SPPL3: variants seen among roughly 807,000 people sequenced by gnomAD.
The protein encoded by SPPL3 is signal peptide peptidase-like 3.
A neutral mutation model predicts 42.4 loss-of-function variants in SPPL3; 5 were observed. That is an observed-to-expected ratio of 0.12 (90% confidence interval 0.06 to 0.25). SPPL3 has a LOEUF of 0.25. Among genes scored for constraint, SPPL3 ranks in the 10% least tolerant of loss-of-function variants. The pLI is 1.00. For missense variants in SPPL3, 235 were observed against 489.0 expected, an observed-to-expected ratio of 0.48 and a Z score of 4.90; for synonymous variants, 195 against 181.8, an observed-to-expected ratio of 1.07 and a Z score of -0.58.
intron 6 of SPPL3, among the ~76,000 whole-genome samples, chr12:120,770,534 T>C (rs1411163291): frequency 6.6e-6 from 1 of 152,112 alleles, no homozygotes; most frequent in African/African-American, 2.4e-5. Context: ...ATCCCCTCAT[T>C]GCTAGACACA....
intron 1 of SPPL3, among the ~76,000 whole-genome samples, chr12:120,865,191 G>A (rs1343068805): frequency 6.6e-6 from 1 of 152,190 alleles, no homozygotes; most frequent in Non-Finnish European, 1.5e-5. Context: ...ATTGGTTACT[G>A]TTTTAATATA....
chr12:120,900,515 G>A (rs1352742079), intron 1 of SPPL3, among the ~76,000 whole-genome samples: 1 of 151,402 alleles, frequency 6.6e-6, no homozygotes, highest in Non-Finnish European at 1.5e-5. Flanking sequence ...TGAGGTGGGA[G>A]GATCGCTTAA....
chr12:120,838,929 C>T (rs1274075271), intron 1 of SPPL3, among the ~76,000 whole-genome samples: 1 of 152,112 alleles, frequency 6.6e-6, no homozygotes. Flanking sequence ...ACTAGTTCAA[C>T]CATTGTGGAA....
At chr12:120,820,893 G>A (rs186477362) in intron 1 of SPPL3, among the ~76,000 whole-genome samples, 16 of 152,162 alleles carry the variant, frequency 1.1e-4, no homozygotes, top group Non-Finnish European at 1.8e-4. Flanking sequence ...AGTAGTTCAA[G>A]ACCAACCTGA....
In SPPL3 at chr12:120,904,310, G is replaced by C. The variant is rs1874091111; in HGVS notation, c.-443C>G. 6.0e-6 allele frequency: 1 copy of C among 165,970 alleles called. No individual in the cohort carries two copies. Among genetic ancestry groups the C allele is most frequent in the African/African-American group, 2.4e-5 (1 of 41,336 alleles). The allele number at this position is 165,970 out of a possible 1,614,324, so 10.3% of individuals were successfully genotyped here. On this transcript the variant is annotated 5_prime_UTR_variant, in exon 1 of 11. Transcript: ENST00000353487. ...GGCGGAGGCGGCGGCGACTGAGGGG[G>C]GCGCTAGGCGATGAGGCGAGGCCAC... is the stretch of plus-strand genomic sequence containing the variant.
intron 1 of SPPL3, among the ~76,000 whole-genome samples, chr12:120,827,839 G>C (rs10849796): frequency 0.064 from 9,660 of 151,912 alleles, 553 homozygotes; most frequent in East Asian, 0.3. Flanking sequence ...CCAGGCTGGA[G>C]TGCAGTGGTG....
rs550939992 is a variant in SPPL3 at position 120,789,347 on chromosome 12, G to A, written c.190+2122C>T. Among the ~76,000 whole-genome samples, 5 of 148,870 alleles carry A rather than the reference G, an allele frequency of 3.4e-5. 1 individual carries two copies. The highest frequency in any genetic ancestry group is 1.2e-4 in the African/African-American group (5 of 40,618). On this transcript the variant is annotated intron_variant, in intron 3 of 10. Transcript: ENST00000353487. ...TGGGTGCCTGTAATCCCAGCTACTC[G>A]GGAGGCAGAGGCAGGAGAATCACTT...
intron 1 of SPPL3, among the ~76,000 whole-genome samples, chr12:120,843,913 G>A (rs1046517877): frequency 6.6e-5 from 10 of 152,150 alleles, no homozygotes; most frequent in Admixed American, 2.0e-4. Context: ...AGCCAGGGTC[G>A]CGCCACTGCA....
At chr12:120,877,242 A>G (rs1873132990) in intron 1 of SPPL3, among the ~76,000 whole-genome samples, 1 of 152,212 alleles carries the variant, frequency 6.6e-6, no homozygotes, top group African/African-American at 2.4e-5. Context: ...AAATCCTCCC[A>G]CAAAGAAAAC....
At chr12:120,768,896 T>C in intron 7 of SPPL3, 57 bp downstream of exon 7, 1 of 1,453,884 alleles carries the variant, frequency 6.9e-7, no homozygotes, top group South Asian at 1.2e-5. Flanking sequence ...TTTTCAGGCA[T>C]GAATGCTTCA....
chr12:120,862,136 A>G (rs1872632867), intron 1 of SPPL3, among the ~76,000 whole-genome samples: 1 of 152,192 alleles, frequency 6.6e-6, no homozygotes, highest in Non-Finnish European at 1.5e-5. Context: ...ATACTTCCTG[A>G]TATTTACCAT....
chr12:120,865,747 C>T (rs1430217901), intron 1 of SPPL3, among the ~76,000 whole-genome samples: 4 of 152,194 alleles, frequency 2.6e-5, no homozygotes, highest in Admixed American at 6.5e-5. Flanking sequence ...GGAAGAATCA[C>T]CTAAGGCAGG....
At chr12:120,808,075 TA>T (rs1870562485) in intron 2 of SPPL3, among the ~76,000 whole-genome samples, 1 of 150,388 alleles carries the variant, frequency 6.6e-6, no homozygotes, top group African/African-American at 2.5e-5. Flanking sequence ...TTCAGTTTCT[TA>T]GTTTCTTTTC....
chr12:120,802,528 A>G (rs534858045), intron 2 of SPPL3, among the ~76,000 whole-genome samples: 1 of 148,656 alleles, frequency 6.7e-6, no homozygotes, highest in African/African-American at 2.5e-5. Flanking sequence ...TCTGCCTCCC[A>G]GTTCAAGCGA....
At chr12:120,877,355 C>T in intron 1 of SPPL3, among the ~76,000 whole-genome samples, 1 of 152,284 alleles carries the variant, frequency 6.6e-6, no homozygotes, top group East Asian at 1.9e-4. Flanking sequence ...CTTCCCAACT[C>T]ATTCTATAAG....
intron 6 of SPPL3, among the ~76,000 whole-genome samples, chr12:120,772,511 T>C (rs947921369): frequency 6.6e-6 from 1 of 152,218 alleles, no homozygotes; most frequent in African/African-American, 2.4e-5. Flanking sequence ...AGAGTAGACA[T>C]TCAATAAATA....
intron 1 of SPPL3, among the ~76,000 whole-genome samples, chr12:120,876,874 A>G (rs1378208959): frequency 2.0e-5 from 3 of 151,766 alleles, no homozygotes; most frequent in Admixed American, 2.0e-4. Flanking sequence ...GGACGTGATA[A>G]ACATGAGTGC....
chr12:120,852,883 T>TATGAA (rs1352144692), intron 1 of SPPL3, among the ~76,000 whole-genome samples: 8 of 145,172 alleles, frequency 5.5e-5, no homozygotes, highest in East Asian at 2.0e-4. Context: ...ACATATCATA[T>TATGAA]ATATTTCATA....
intron 1 of SPPL3, among the ~76,000 whole-genome samples, chr12:120,864,552 A>C (rs532235016): frequency 9.2e-5 from 14 of 152,270 alleles, no homozygotes; most frequent in African/African-American, 3.4e-4. Flanking sequence ...AAACAAAAAC[A>C]AAACCTGGGA....
Sources: allele counts gnomAD v4.1 joint callset (sites outside exome capture counted in the v4.1 genomes callset), GRCh38; gene constraint gnomAD v4.1.1; transcripts MANE v1.5; gene names NCBI Gene and HGNC (gene_info 2026-07-23, HGNC 2026-07-21).